OSMR: variants seen among roughly 807,000 people sequenced by gnomAD.
OSMR encodes oncostatin-M-specific receptor subunit beta.
In OSMR, 81 loss-of-function variants were observed where a neutral mutation model predicts 99.9. That is an observed-to-expected ratio of 0.81 (90% CI 0.68 to 0.97). The LOEUF (loss-of-function observed/expected upper bound fraction) is 0.97, where lower values mean the gene tolerates loss of function less well. Among genes scored for constraint, OSMR ranks in the 50% least tolerant of loss-of-function variants. The pLI, the probability that OSMR is intolerant of heterozygous loss-of-function variation, is 0.00. For synonymous variants in OSMR, 406 were observed against 410.4 expected (o/e 0.99, Z 0.13); for missense variants, 1,099 against 1,153.4 (o/e 0.95, Z 0.68).
intron 7 of OSMR, among the ~76,000 whole-genome samples, chr5:38,892,509 T>G (rs2112458303): frequency 6.6e-6 from 1 of 152,194 alleles, no homozygotes; most frequent in African/African-American, 2.4e-5. Flanking sequence ...CTGCAACCAC[T>G]TCCCCTGAAG....
chr5:38,872,769 T>C (rs183241961), intron 2 of OSMR, among the ~76,000 whole-genome samples: 1 of 152,274 alleles, frequency 6.6e-6, no homozygotes, highest in Non-Finnish European at 1.5e-5. Flanking sequence ...TTCCCTTTAT[T>C]TGTTTAAAAA....
intron 15 of OSMR, among the ~76,000 whole-genome samples, chr5:38,931,225 G>A (rs1338901692): frequency 6.6e-6 from 1 of 152,142 alleles, no homozygotes. Flanking sequence ...AATTTTTGAT[G>A]TGTAACAAAC....
intron 9 of OSMR, among the ~76,000 whole-genome samples, chr5:38,911,561 G>GTCAGAA: frequency 6.6e-6 from 1 of 152,268 alleles, no homozygotes; most frequent in East Asian, 1.9e-4. Context: ...AACTCATTCT[G>GTCAGAA]TGAGGCCAGC....
chr5:38,912,560 A>G (rs1220123400), intron 9 of OSMR, among the ~76,000 whole-genome samples: 1 of 152,212 alleles, frequency 6.6e-6, no homozygotes, highest in Non-Finnish European at 1.5e-5. Context: ...TTTCACAGAA[A>G]TAGAAAAAAA....
At position 38,933,032 on chromosome 5, in the gene OSMR, C is replaced by T; in HGVS notation, c.2528C>T (p.Thr843Ile). 3.7e-6 allele frequency: 6 copies of T among 1,614,198 alleles called. No individual in the cohort carries two copies. The highest frequency in any genetic ancestry group is 5.1e-6 in the Non-Finnish European group (6 of 1,180,024). ...TKPNYLYLLP[T>I]EKNHSGPGPC... Reference sequence around the variant, plus strand: ...CCTAACTACCTTTATCTCCTTCCAACAGAAAAGAATCACTCTGGCCCTGGC... The same window carrying T: ...CCTAACTACCTTTATCTCCTTCCAATAGAAAAGAATCACTCTGGCCCTGGC... Residue 843 changes from threonine (T) to isoleucine (I), a missense_variant, in exon 18 of 18, where the codon ACA becomes ATA. By Grantham distance (89) the Thr-to-Ile change is moderately conservative (BLOSUM62 -1). Coordinates refer to ENST00000274276, the MANE Select transcript of OSMR (RefSeq NM_003999.3).
chr5:38,887,954 C>T (rs1743898496), intron 7 of OSMR, among the ~76,000 whole-genome samples: 1 of 152,106 alleles, frequency 6.6e-6, no homozygotes, highest in Non-Finnish European at 1.5e-5. Flanking sequence ...CAGGGTTCTT[C>T]GTTTCGCGCC....
At position 38,921,751 on chromosome 5, in the gene OSMR, G is replaced by C. The variant is rs1561405780; in HGVS notation, c.1722G>C (p.Trp574Cys). The C allele has an allele frequency of 1.2e-6, 2 of 1,613,978 alleles. No homozygotes were observed. Among genetic ancestry groups the C allele is most frequent in the African/African-American group, 2.7e-5 (2 of 74,904 alleles). The change falls in exon 12 of 18, where the codon TGG becomes TGC. Residue 574 changes from tryptophan (W) to cysteine (C), a missense_variant. Physicochemically the swap from Trp to Cys is radical, Grantham distance 215. Transcript: ENST00000274276. ...AGGATGTGCTCGGTGATTTCCAGTGGAAGAATGTAGGTCCCAATACCACAA... is the reference window on the plus strand; with the variant it reads ...AGGATGTGCTCGGTGATTTCCAGTGCAAGAATGTAGGTCCCAATACCACAA... ...HTQDVLGDFQ[W>C]KNVGPNTTST...
intron 9 of OSMR, among the ~76,000 whole-genome samples, chr5:38,913,905 A>G (rs149185333): frequency 5.3e-5 from 8 of 152,290 alleles, no homozygotes; most frequent in Admixed American, 5.2e-4. Flanking sequence ...TTTGTTTGCA[A>G]TGTGTCATCT....
chr5:38,901,310 C>G (rs894834713), intron 7 of OSMR, among the ~76,000 whole-genome samples: 1 of 152,206 alleles, frequency 6.6e-6, no homozygotes, highest in Non-Finnish European at 1.5e-5. Flanking sequence ...ACATCCTCAA[C>G]AGGTTACTTG....
At chr5:38,920,738 C>A (rs1262327731) in intron 11 of OSMR, among the ~76,000 whole-genome samples, 2 of 152,278 alleles carry the variant, frequency 1.3e-5, no homozygotes, top group African/African-American at 4.8e-5. Flanking sequence ...AAACAATAAA[C>A]CAGTTCTTAG....
rs143185173 is a variant in OSMR, at chr5:38,914,533, CA to C, written c.1286-3012del. The stretch of plus-strand genomic sequence containing the variant: ...GGTATATATTCAAAGGAAAATAAAT[CA>C]TTCTACCAACACGCATATGTTCATC... On this transcript the variant is annotated intron_variant, in intron 9 of 17. Transcript: ENST00000274276. Among the ~76,000 whole-genome samples the C allele has an allele frequency of 7.2e-3, 1,092 of 152,304 alleles. 56 individuals are homozygous for C. In the East Asian group the frequency reaches 0.13, roughly 18 times the overall value.
chr5:38,867,575 G>A (rs905820726), intron 1 of OSMR, among the ~76,000 whole-genome samples: 26 of 152,190 alleles, frequency 1.7e-4, no homozygotes, highest in Admixed American at 1.2e-3. Flanking sequence ...AATTAAGAAC[G>A]TATTAACCTT....
chr5:38,893,122 G>A (rs1261834756), intron 7 of OSMR, among the ~76,000 whole-genome samples: 1 of 152,216 alleles, frequency 6.6e-6, no homozygotes, highest in Admixed American at 6.5e-5. Context: ...TACTTGTGTA[G>A]CAGCTGGCTC....
At chr5:38,917,387 TGTGGACCA>T in intron 9 of OSMR, 151 bp from the exon 10 acceptor site, 1 of 984,574 alleles carries the variant, frequency 1.0e-6, no homozygotes, top group African/African-American at 1.7e-5. Context: ...GCAGTGTGGC[TGTGGACCA>T]GTGGGTAGAA....
chr5:38,851,905 T>A (rs544257569), intron 1 of OSMR, among the ~76,000 whole-genome samples: 1 of 152,310 alleles, frequency 6.6e-6, no homozygotes, highest in Non-Finnish European at 1.5e-5. Flanking sequence ...CCACTTTCAC[T>A]TGGCTCTCAT....
At chr5:38,939,371 G>A (rs1288207364), downstream of OSMR, 1 of 232,176 alleles carries the variant, frequency 4.3e-6, no homozygotes, top group East Asian at 6.1e-5. Context: ...CTTCCAAAGA[G>A]CCTCTTTTAA....
At chr5:38,944,897 G>C in intron 2 of OSMR, 11 of 1,609,536 alleles carry the variant, frequency 6.8e-6, no homozygotes, top group Non-Finnish European at 9.3e-6. Flanking sequence ...GATTGGATTT[G>C]AATCTGAAGA....
intron 1 of OSMR, among the ~76,000 whole-genome samples, chr5:38,849,518 A>G (rs538834205): frequency 6.8e-6 from 1 of 147,932 alleles, no homozygotes; most frequent in African/African-American, 2.5e-5. Flanking sequence ...CTGTAGCTTT[A>G]TAGTGTTTTT....
At position 38,885,405 on chromosome 5, in the gene OSMR, C is replaced by T; in HGVS notation, c.760C>T (p.His254Tyr). Reference protein sequence around the residue: ...SCETEDFKTLHCTWDPGTDTA... With the variant: ...SCETEDFKTLYCTWDPGTDTA... Reference sequence around the variant, plus strand: ...TGAAACCGAGGACTTCAAGACTTTGCACTGTACTTGGGATCCTGGGACGGA... The same window carrying T: ...TGAAACCGAGGACTTCAAGACTTTGTACTGTACTTGGGATCCTGGGACGGA... Residue 254 changes from histidine to tyrosine, a missense_variant, in exon 6 of 18, where the codon CAC becomes TAC. Transcript: ENST00000274276. 6.2e-7 allele frequency: 1 copy of T among 1,613,866 alleles called. No individual in the cohort carries two copies. The highest frequency in any genetic ancestry group is 8.5e-7 in the Non-Finnish European group (1 of 1,179,818).
Sources: allele counts gnomAD v4.1 joint callset (sites outside exome capture counted in the v4.1 genomes callset), GRCh38; gene constraint gnomAD v4.1.1; transcripts MANE v1.5; gene names NCBI Gene and HGNC (gene_info 2026-07-23, HGNC 2026-07-21).